PPP1R12A: variants seen among roughly 807,000 people sequenced by gnomAD.
PPP1R12A encodes the protein protein phosphatase 1 regulatory subunit 12A, also known as myosin binding subunit.
A neutral mutation model predicts 139.6 loss-of-function variants in PPP1R12A; 19 were observed. The observed-to-expected ratio is 0.14, with a 90% CI of 0.09 to 0.20. The LOEUF (loss-of-function observed/expected upper bound fraction) is 0.20. Among genes scored for constraint, PPP1R12A ranks in the 10% least tolerant of loss-of-function variants. The pLI, the probability that PPP1R12A is intolerant of heterozygous loss-of-function variation, is 1.00. For missense variants in PPP1R12A, 925 were observed against 1,211.5 expected, an observed-to-expected ratio of 0.76 and a Z score of 3.51; for synonymous variants, 427 against 420.6, an observed-to-expected ratio of 1.02 and a Z score of -0.19.
intron 3 of PPP1R12A, among the ~76,000 whole-genome samples, chr12:79,840,546 A>T (rs1438851794): frequency 6.6e-6 from 1 of 152,124 alleles, no homozygotes; most frequent in Non-Finnish European, 1.5e-5. Context: ...GTCTTATCTC[A>T]CACTTTCCTA....
At chr12:79,894,453 A>G (rs1884948243) in intron 1 of PPP1R12A, among the ~76,000 whole-genome samples, 1 of 152,140 alleles carries the variant, frequency 6.6e-6, no homozygotes, top group South Asian at 2.1e-4. Flanking sequence ...ATTCCCATGG[A>G]TAGAAAGATC....
upstream of PPP1R12A, chr12:79,935,203 G>A: frequency 7.6e-7 from 1 of 1,312,766 alleles, no homozygotes; most frequent in Non-Finnish European, 9.7e-7. Context: ...AACTTCGCGA[G>A]ATCCGGACTG....
chr12:79,858,941 C>T (rs1880993136), intron 2 of PPP1R12A, among the ~76,000 whole-genome samples: 1 of 151,758 alleles, frequency 6.6e-6, no homozygotes. Flanking sequence ...TCATGTTACC[C>T]AACACAAAAT....
intron 1 of PPP1R12A, among the ~76,000 whole-genome samples, chr12:79,899,825 C>T (rs1885469210): frequency 6.6e-6 from 1 of 152,070 alleles, no homozygotes; most frequent in Non-Finnish European, 1.5e-5. Flanking sequence ...TTTACATCAC[C>T]AACAATGAGA....
chr12:79,812,558 G>T (rs918553874), intron 9 of PPP1R12A, among the ~76,000 whole-genome samples: 3 of 151,828 alleles, frequency 2.0e-5, no homozygotes, highest in African/African-American at 7.3e-5. Context: ...TAGGAGGAGG[G>T]TCTTTACTTC....
chr12:79,806,944 G>A (rs17005957), intron 12 of PPP1R12A: 3 of 232,474 alleles, frequency 1.3e-5, no homozygotes, highest in East Asian at 1.3e-4. Flanking sequence ...TGTTTAAGTT[G>A]TTCTAGTCAA....
At chr12:79,801,442 C>T (rs1026335854) in intron 14 of PPP1R12A, among the ~76,000 whole-genome samples, 1 of 142,810 alleles carries the variant, frequency 7.0e-6, no homozygotes, top group Non-Finnish European at 1.5e-5. Context: ...ATTTTTTTAG[C>T]CTAACACTAT....
intron 1 of PPP1R12A, among the ~76,000 whole-genome samples, chr12:79,874,709 GGGAACTTTTAT>G (rs1193344269): frequency 6.6e-6 from 1 of 152,008 alleles, no homozygotes; most frequent in Admixed American, 6.6e-5. Flanking sequence ...TAAATAAGAA[GGGAACTTTTAT>G]CAAATGCTTG....
At chr12:79,800,244 T>A (rs956943233) in intron 14 of PPP1R12A, among the ~76,000 whole-genome samples, 3 of 152,138 alleles carry the variant, frequency 2.0e-5, no homozygotes, top group Non-Finnish European at 4.4e-5. Context: ...TTACACCAAG[T>A]GTGCCTGCCT....
At chr12:79,801,404 C>G (rs1241482430) in intron 14 of PPP1R12A, among the ~76,000 whole-genome samples, 1 of 112,864 alleles carries the variant, frequency 8.9e-6, no homozygotes, top group African/African-American at 3.2e-5. Context: ...CTTTTGTTAG[C>G]TTTAACATTC....
rs138504681 is a variant in PPP1R12A at position 79,846,345 on chromosome 12, C to T, written c.369-925G>A. 4.2e-3 allele frequency among the ~76,000 whole-genome samples: 638 copies of T among 152,254 alleles called. 2 individuals carry two copies. Among genetic ancestry groups the T allele is most frequent in the African/African-American group, 0.015 (607 of 41,538 alleles). On this transcript the variant is annotated intron_variant, in intron 2 of 24. Coordinates refer to ENST00000450142, the MANE Select transcript of PPP1R12A (RefSeq NM_002480.3). Reference sequence around the variant, plus strand: ...ATTCAGATACAAAAAGGTTATTTATCTATTTAATCATGTCAACAGCACATC... The same window carrying T: ...ATTCAGATACAAAAAGGTTATTTATTTATTTAATCATGTCAACAGCACATC...
rs752135825 is a variant in PPP1R12A at position 79,805,647 on chromosome 12, T to A, written c.1945A>T (p.Thr649Ser). The change falls in exon 14 of 25, where the codon ACT becomes TCT. Residue 649 changes from threonine (T) to serine (S), a missense_variant. Thr to Ser is a moderately conservative substitution (Grantham distance 58). Around this residue, in one of 4 missense-constraint regions of PPP1R12A, gnomAD observed 403 missense variants for 463.7 expected, o/e 0.87. Transcript: ENST00000450142. ...VNAAASTTTL[T>S]TTTAGTVSST... ...GAGACAGTGCCAGCAGTAGTTGTAG[T>A]CAGGGTTGTGGTAGAAGCTGCAGCA... is the stretch of plus-strand genomic sequence containing the variant. 1 of 1,613,814 alleles carries A rather than the reference T, an allele frequency of 6.2e-7. No individual in the cohort carries two copies. Among genetic ancestry groups the A allele is most frequent in the East Asian group, 2.2e-5 (1 of 44,842 alleles).
intron 1 of PPP1R12A, among the ~76,000 whole-genome samples, chr12:79,880,296 A>C (rs1883513270): frequency 6.6e-6 from 1 of 152,148 alleles, no homozygotes. Flanking sequence ...TTTGAGCATA[A>C]TTTTGAAGAT....
In PPP1R12A at chr12:79,884,938, C is replaced by T. The variant is rs1883972234; in HGVS notation, c.238-12000G>A. ...GAGTTAACAAGGTGTTTATACAATG[C>T]TCAAAGCAGACAGAGTCCATGACTT... On this transcript the variant is annotated intron_variant, in intron 1 of 24. Coordinates refer to ENST00000450142, the MANE Select transcript of PPP1R12A (RefSeq NM_002480.3). Among the ~76,000 whole-genome samples, 6 of 152,148 alleles carry T rather than the reference C, an allele frequency of 3.9e-5. No individual in the cohort carries two copies. In the South Asian group the frequency reaches 1.2e-3, roughly 32 times the overall value.
chr12:79,841,040 T>A (rs1878638339), intron 3 of PPP1R12A, among the ~76,000 whole-genome samples: 2 of 148,510 alleles, frequency 1.3e-5, no homozygotes, highest in African/African-American at 5.0e-5. Flanking sequence ...TGTCTCCAAT[T>A]CCTTTTTATT....
At chr12:79,838,163 G>A (rs1199219286) in intron 3 of PPP1R12A, among the ~76,000 whole-genome samples, 1 of 152,222 alleles carries the variant, frequency 6.6e-6, no homozygotes, top group Non-Finnish European at 1.5e-5. Context: ...AGATGGAGAT[G>A]AGAAACTTGT....
In PPP1R12A at chr12:79,806,388, T is replaced by C. The variant is rs1279322487; in HGVS notation, c.1656-55A>G. On this transcript the variant is annotated intron_variant, in intron 12 of 24. Transcript: ENST00000450142. ...TGTGTTTGTATGTGTATTCTATAGT[T>C]AATGTCTATACATTATATAAATTAC... 2.0e-6 allele frequency: 3 copies of C among 1,477,146 alleles called. No homozygotes were observed. The East Asian group carries it at 6.8e-5, about 34-fold the overall frequency. 91.5% of individuals were successfully genotyped at this position (1,477,146 alleles called of 1,614,324 possible).
chr12:79,839,679 C>T (rs570492477), intron 3 of PPP1R12A, among the ~76,000 whole-genome samples: 5 of 152,200 alleles, frequency 3.3e-5, no homozygotes, highest in South Asian at 2.1e-4. Context: ...CTCCTGCCAC[C>T]GTGTGAAGAA....
chr12:79,803,924 A>G (rs972898902), intron 14 of PPP1R12A, among the ~76,000 whole-genome samples: 4 of 152,152 alleles, frequency 2.6e-5, no homozygotes, highest in Non-Finnish European at 5.9e-5. Flanking sequence ...TGGGTTAAGA[A>G]TCATAATTTG....
Sources: gnomAD v4.1 joint callset for allele counts (sites outside exome capture counted in the v4.1 genomes callset) on GRCh38, gnomAD v4.1.1 for gene constraint, gnomAD v4.1.1 regional missense constraint, MANE v1.5 for transcripts, NCBI Gene and HGNC (gene_info 2026-07-23, HGNC 2026-07-21) for gene names.